KDM4B: variants seen among roughly 807,000 people sequenced by gnomAD.
KDM4B encodes the protein lysine-specific demethylase 4B.
Under a neutral mutation model 125.2 loss-of-function variants are expected in KDM4B, and 32 were observed. The observed-to-expected ratio is 0.26, with a 90% CI of 0.19 to 0.34. KDM4B has a LOEUF of 0.34. KDM4B is among the 10% of genes least tolerant of loss of function. The pLI is 1.00. For missense variants in KDM4B, 1,190 were observed against 1,577.7 expected (o/e 0.75, Z 4.16); for synonymous variants, 721 against 677.9 (o/e 1.06, Z -0.99).
intron 5 of KDM4B, 30 bp downstream of exon 5, chr19:5,041,281 G>A: frequency 6.4e-7 from 1 of 1,556,692 alleles, no homozygotes; most frequent in Non-Finnish European, 8.8e-7. Context: ...GAAGAACAGG[G>A]ACCAGCTTCC....
chr19:5,129,538 G>C (rs1181098925), intron 11 of KDM4B, among the ~76,000 whole-genome samples: 2 of 152,174 alleles, frequency 1.3e-5, no homozygotes, highest in Non-Finnish European at 2.9e-5. Flanking sequence ...GTGCAGAAAT[G>C]AATTTCCTTC....
intron 2 of KDM4B, among the ~76,000 whole-genome samples, chr19:5,026,998 C>G (rs776000009): frequency 6.6e-6 from 1 of 152,222 alleles, no homozygotes; most frequent in Non-Finnish European, 1.5e-5. Flanking sequence ...CCAGCCAGCT[C>G]ACACCACGGG....
intron 11 of KDM4B, among the ~76,000 whole-genome samples, chr19:5,129,322 C>A (rs916763781): frequency 6.6e-6 from 1 of 152,060 alleles, no homozygotes; most frequent in East Asian, 1.9e-4. Flanking sequence ...TTGACCCTTA[C>A]TGGGGTCAGT....
chr19:5,144,591 A>T (rs2039808627), intron 20 of KDM4B, among the ~76,000 whole-genome samples, 179 bp downstream of exon 20: 2 of 152,106 alleles, frequency 1.3e-5, no homozygotes, highest in South Asian at 4.1e-4. Flanking sequence ...CAGGAAAAGC[A>T]CCGCTCACTG....
intron 9 of KDM4B, among the ~76,000 whole-genome samples, chr19:5,090,696 G>A (rs556600092): frequency 2.2e-4 from 23 of 105,352 alleles, no homozygotes; most frequent in South Asian, 1.4e-3. Context: ...ATCAAGTGCC[G>A]ACTCTGGGCC....
chr19:4,990,727 T>G (rs1420119287), intron 1 of KDM4B, among the ~76,000 whole-genome samples: 1 of 152,204 alleles, frequency 6.6e-6, no homozygotes, highest in African/African-American at 2.4e-5. Context: ...GGCCCGTAAT[T>G]CTAACACTGT....
chr19:5,138,145 C>T lies in KDM4B; in HGVS notation c.2550+75C>T, dbSNP rs1416854133. 27 of 1,117,022 alleles carry T rather than the reference C, an allele frequency of 2.4e-5. No homozygotes were observed. In the East Asian group the frequency reaches 4.3e-4, roughly 18 times the overall value. The allele number at this position is 1,117,022 out of a possible 1,614,324, so 69.2% of individuals were successfully genotyped here. Reference sequence around the variant, plus strand: ...GGCCATGCTCGGCTCCCCACCTGCGCGATCTGAAGCGGTCTTTCCTCCAAG... The same window carrying T: ...GGCCATGCTCGGCTCCCCACCTGCGTGATCTGAAGCGGTCTTTCCTCCAAG... On this transcript the variant is annotated intron_variant, in intron 18 of 22. Coordinates refer to ENST00000159111, the MANE Select transcript of KDM4B (RefSeq NM_015015.3).
At chr19:5,033,114 G>GC in intron 3 of KDM4B, 83 bp downstream of exon 3, 1 of 1,515,376 alleles carries the variant, frequency 6.6e-7, no homozygotes, top group Non-Finnish European at 9.0e-7. Context: ...AGCTCAGCCA[G>GC]CCCCACAGGC....
rs200273068 is a variant in KDM4B, at chr19:5,035,884, CGCGCGCGCGCGCCT to C, written c.141+2860_141+2873del. ...GTCTCTGTGTGTGTGTGTGTGTGCG[CGCGCGCGCGCGCCT>C]GCGCGCACAGGAGACTGAGGTGGGG... On this transcript the variant is annotated intron_variant, in intron 3 of 22. Transcript: ENST00000159111. This position sits in a 1 kb window ranked among gnomAD's most constrained non-coding sequence, Gnocchi z 5.3. Among the ~76,000 whole-genome samples, 3 of 90,938 alleles carry C rather than the reference CGCGCGCGCGCGCCT, an allele frequency of 3.3e-5. No individual in the cohort carries two copies. The highest frequency in any genetic ancestry group is 1.2e-4 in the Admixed American group (1 of 8,440). 59.7% of individuals were successfully genotyped at this position (90,938 alleles called of 152,430 possible).
At chr19:5,147,300 G>A (rs2039868492) in intron 21 of KDM4B, among the ~76,000 whole-genome samples, 1 of 152,234 alleles carries the variant, frequency 6.6e-6, no homozygotes, top group Non-Finnish European at 1.5e-5. Context: ...GGTGGGTCTT[G>A]ACAACATCCC....
At chr19:4,988,967 C>T (rs1215828772) in intron 1 of KDM4B, among the ~76,000 whole-genome samples, 1 of 152,214 alleles carries the variant, frequency 6.6e-6, no homozygotes, top group African/African-American at 2.4e-5. Flanking sequence ...CTGCCAAGCC[C>T]TTAGTCACCT....
At chr19:5,060,497 G>A (rs2037559962) in intron 6 of KDM4B, among the ~76,000 whole-genome samples, 1 of 140,834 alleles carries the variant, frequency 7.1e-6, no homozygotes, top group East Asian at 2.4e-4. Context: ...TGCAGTCCCT[G>A]TCTCTTCAGA....
chr19:5,051,689 C>T (rs537417351), intron 6 of KDM4B, among the ~76,000 whole-genome samples: 115 of 152,362 alleles, frequency 7.5e-4, no homozygotes, highest in African/African-American at 1.4e-3. Flanking sequence ...CCCCCAGGGT[C>T]TCTGCAGCTC....
chr19:5,059,771 G>A (rs2037526197), intron 6 of KDM4B, among the ~76,000 whole-genome samples: 1 of 127,332 alleles, frequency 7.9e-6, no homozygotes, highest in Non-Finnish European at 1.6e-5. Context: ...TGCCGGTGAT[G>A]AAATAAATGT....
At chr19:5,139,203 C>T (rs376552168) in intron 18 of KDM4B, among the ~76,000 whole-genome samples, 1 of 152,136 alleles carries the variant, frequency 6.6e-6, no homozygotes, top group Non-Finnish European at 1.5e-5. Flanking sequence ...ATTACAGGCG[C>T]GAGTGGTGTC....
At chr19:4,976,411 A>G (rs1002502361) in intron 1 of KDM4B, among the ~76,000 whole-genome samples, 7 of 152,196 alleles carry the variant, frequency 4.6e-5, no homozygotes, top group Non-Finnish European at 1.0e-4. Context: ...GCTGTTTGAG[A>G]CGCCAGACTC....
rs1454346593 is a variant in KDM4B, at chr19:5,020,206, T to C, written c.-26+3867T>C. Among the ~76,000 whole-genome samples the C allele has an allele frequency of 1.2e-4, 17 of 147,482 alleles. No homozygotes were observed. In the East Asian group the frequency reaches 3.5e-3, roughly 31 times the overall value. Reference sequence around the variant, plus strand: ...TGGTGTGCAGGTGTTGGTGTGGATATTGGTGTGCAGGTGTTAGTGTGCAGG... The same window carrying C: ...TGGTGTGCAGGTGTTGGTGTGGATACTGGTGTGCAGGTGTTAGTGTGCAGG... On this transcript the variant is annotated intron_variant, in intron 2 of 22. Transcript: ENST00000159111.
chr19:5,090,239 A>G (rs1269423599), intron 9 of KDM4B, among the ~76,000 whole-genome samples: 2 of 152,102 alleles, frequency 1.3e-5, no homozygotes, highest in African/African-American at 4.8e-5. Flanking sequence ...CTCCCTAGCC[A>G]CACACCTCGC....
chr19:5,127,644 G>T (rs372741735), intron 11 of KDM4B, among the ~76,000 whole-genome samples: 2 of 152,202 alleles, frequency 1.3e-5, no homozygotes, highest in Non-Finnish European at 2.9e-5. Context: ...TGGTCCCTCC[G>T]GGAGACAGAA....
Sources: gnomAD v4.1 joint callset for allele counts (sites outside exome capture counted in the v4.1 genomes callset) on GRCh38, gnomAD v4.1.1 for gene constraint, Gnocchi (gnomAD v3.1) non-coding constraint, MANE v1.5 for transcripts, NCBI Gene and HGNC (gene_info 2026-07-23, HGNC 2026-07-21) for gene names.